The following ECT2L variants were observed in gnomAD, a reference collection of about 807,000 sequenced individuals.
The protein encoded by ECT2L is epithelial cell transforming 2 like, also known as epithelial cell-transforming sequence 2 oncogene-like.
In ECT2L, 126 loss-of-function variants were observed where a neutral mutation model predicts 122.8. The ratio of observed to expected loss-of-function variants is 1.03; its 90% CI spans 0.89 to 1.19. ECT2L has a LOEUF of 1.19. Among genes scored for constraint, ECT2L ranks in the 50% most tolerant of loss-of-function variants. The pLI is 0.00. For missense variants in ECT2L, 1,012 were observed against 1,064.1 expected, an observed-to-expected ratio of 0.95 and a Z score of 0.68; for synonymous variants, 385 against 381.8, an observed-to-expected ratio of 1.01 and a Z score of -0.10.
rs182703053 is a variant in ECT2L at position 138,865,149 on chromosome 6, T to C, written c.1445T>C (p.Leu482Pro). The change falls in exon 12 of 22, where the codon CTG (leucine) becomes CCG (proline). Residue 482 changes from leucine (L) to proline (P), a missense_variant. Leu to Pro is a moderately conservative substitution (Grantham distance 98). Transcript: ENST00000541398. ...RKQLYPFFKELQKSISGRMIG... is the reference protein window; with the variant it reads ...RKQLYPFFKEPQKSISGRMIG... ...CAGCTGTATCCTTTCTTCAAGGAAC[T>C]GCAGAAGAGCATCAGTGGCAGGATG... The C allele has an allele frequency of 7.1e-5, 114 of 1,612,958 alleles. 1 individual carries two copies. In the Admixed American group the frequency reaches 1.5e-3, roughly 21 times the overall value.
At chr6:138,883,214 C>A (rs1376656922) in intron 16 of ECT2L, among the ~76,000 whole-genome samples, 1 of 152,212 alleles carries the variant, frequency 6.6e-6, no homozygotes, top group Non-Finnish European at 1.5e-5. Context: ...GACAAGTTCA[C>A]TCTCTCATGT....
At chr6:138,882,996 T>C in intron 16 of ECT2L, 125 bp downstream of exon 16, 3 of 1,029,702 alleles carry the variant, frequency 2.9e-6, no homozygotes, top group Non-Finnish European at 4.2e-6. Flanking sequence ...TGTCTTCCCA[T>C]ACTGTGTGAT....
At chr6:138,852,288 C>T (rs945615289) in intron 9 of ECT2L, among the ~76,000 whole-genome samples, 3 of 151,930 alleles carry the variant, frequency 2.0e-5, no homozygotes, top group Non-Finnish European at 4.4e-5. Flanking sequence ...AAACCAAAAA[C>T]CCCCCAGCCC....
At chr6:138,900,044 A>AC (rs1779347129) in intron 20 of ECT2L, among the ~76,000 whole-genome samples, 1 of 152,350 alleles carries the variant, frequency 6.6e-6, no homozygotes, top group African/African-American at 2.4e-5. Flanking sequence ...CCTACAGTTG[A>AC]CCATGGTAGC....
At position 138,902,716 on chromosome 6, in the gene ECT2L, C is replaced by G; in HGVS notation, c.*89C>G. Reference sequence around the variant, plus strand: ...CTGTTCCAAAATATCCAGTAAGAAACAGAATAACTGTCATGGATGATGAGA... The same window carrying G: ...CTGTTCCAAAATATCCAGTAAGAAAGAGAATAACTGTCATGGATGATGAGA... On this transcript the variant is annotated 3_prime_UTR_variant, in exon 22 of 22. Transcript: ENST00000541398. 6.8e-7 allele frequency: 1 copy of G among 1,464,622 alleles called. No individual in the cohort carries two copies. The highest frequency in any genetic ancestry group is 9.4e-7 in the Non-Finnish European group (1 of 1,058,518). The allele number at this position is 1,464,622 out of a possible 1,614,324, so 90.7% of individuals were successfully genotyped here.
chr6:138,903,792 A>G lies in ECT2L; in HGVS notation c.*1165A>G, dbSNP rs974840922. 3.3e-5 allele frequency: 5 copies of G among 152,192 alleles called. No individual in the cohort carries two copies. Among genetic ancestry groups the G allele is most frequent in the African/African-American group, 7.2e-5 (3 of 41,452 alleles). 9.4% of individuals were successfully genotyped at this position (152,192 alleles called of 1,614,324 possible). On this transcript the variant is annotated 3_prime_UTR_variant, in exon 22 of 22. Transcript: ENST00000541398. The stretch of plus-strand genomic sequence containing the variant: ...GCCACTTGGAAACTTCAGCTGATGT[A>G]TATTTTTACCTAGATATTGTCAGGT...
Position 138,862,702 on chromosome 6 carries a change from C to A in ECT2L, c.1274C>A (p.Thr425Asn). Residue 425 changes from threonine to asparagine, a missense_variant, in exon 11 of 22, where the codon ACT becomes AAT. Physicochemically the swap from Thr to Asn is moderately conservative, Grantham distance 65 (BLOSUM62 0). Transcript: ENST00000541398. Reference protein sequence around the residue: ...TFFTAPTGIATGSYQHILSDW... With the variant: ...TFFTAPTGIANGSYQHILSDW... ...TTTACGGCCCCCACTGGGATTGCAA[C>A]TGGCTCTTACCAGCACAGTAAGTGT... 6.2e-7 allele frequency: 1 copy of A among 1,614,152 alleles called. No homozygotes were observed. Among genetic ancestry groups the A allele is most frequent in the Non-Finnish European group, 8.5e-7 (1 of 1,179,968 alleles).
At chr6:138,808,729 CTT>C (rs748228059) in intron 1 of ECT2L, among the ~76,000 whole-genome samples, 18 of 92,542 alleles carry the variant, frequency 1.9e-4, no homozygotes, top group Non-Finnish European at 2.8e-4. Flanking sequence ...TTTCTCTTTT[CTT>C]TTTTTTTTTT....
chr6:138,835,664 G>T (rs563569616), intron 4 of ECT2L, among the ~76,000 whole-genome samples: 31 of 152,006 alleles, frequency 2.0e-4, no homozygotes, highest in African/African-American at 7.0e-4. Context: ...ATTACCTTAA[G>T]TGTGTCAATG....
intron 13 of ECT2L, among the ~76,000 whole-genome samples, chr6:138,871,903 C>T (rs1466889462): frequency 1.3e-5 from 2 of 152,116 alleles, no homozygotes; most frequent in Non-Finnish European, 2.9e-5. Context: ...CTCCCCTCCC[C>T]GACAAAGTGC....
At chr6:138,839,863 C>A (rs1310924225) in intron 5 of ECT2L, among the ~76,000 whole-genome samples, 4 of 151,964 alleles carry the variant, frequency 2.6e-5, no homozygotes, top group Non-Finnish European at 5.9e-5. Flanking sequence ...CAACATATAG[C>A]CTTGAATTAA....
rs572999960 is a variant in ECT2L, at chr6:138,869,829, GACA to G, written c.1578+1628_1578+1630del. On this transcript the variant is annotated intron_variant, in intron 13 of 21. Coordinates refer to ENST00000541398, the MANE Select transcript of ECT2L (RefSeq NM_001077706.3). ...CCAGGCCTTCTTCCTCCCCCTGAAA[GACA>G]ACAAGATCCTTCCTGTCCCGTTTCC... is the stretch of plus-strand genomic sequence containing the variant. 2.6e-4 allele frequency among the ~76,000 whole-genome samples: 40 copies of G among 152,310 alleles called. No individual in the cohort carries two copies. The South Asian group carries it at 7.7e-3, about 29-fold the overall frequency.
intron 11 of ECT2L, among the ~76,000 whole-genome samples, chr6:138,863,717 G>A (rs891937666): frequency 3.3e-5 from 5 of 151,862 alleles, no homozygotes; most frequent in African/African-American, 1.2e-4. Context: ...CTGGGTTCAG[G>A]CGATTCTCCT....
intron 5 of ECT2L, among the ~76,000 whole-genome samples, chr6:138,839,846 T>C (rs1215260010): frequency 6.6e-6 from 1 of 152,222 alleles, no homozygotes; most frequent in East Asian, 1.9e-4. Flanking sequence ...ATGGTTACCA[T>C]AGACTACAAC....
In ECT2L at chr6:138,881,031, A is replaced by G. The variant is rs751551706; in HGVS notation, c.1740A>G (p.Lys580=). ...GAGAACTCTTACAGAGTGAGAGAAA[A>G]TACGTGCAGATACTGGAAATTGTGA... ...VVRELLQSER[K]YVQILEIVRD... is the part of the protein sequence containing the mutation. Residue 580 remains lysine, a synonymous_variant, in exon 15 of 22, where the codon AAA becomes AAG. Coordinates refer to ENST00000541398, the MANE Select transcript of ECT2L (RefSeq NM_001077706.3). 77 of 1,614,052 alleles carry G rather than the reference A, an allele frequency of 4.8e-5. No homozygotes were observed. Among genetic ancestry groups the G allele is most frequent in the Non-Finnish European group, 6.3e-5 (74 of 1,180,030 alleles).
At position 138,849,338 on chromosome 6, in the gene ECT2L, C is replaced by T; in HGVS notation, c.973C>T (p.Leu325Phe). The stretch of plus-strand genomic sequence containing the variant: ...TGAACACAGCGTAACCTTGGAAAGC[C>T]TTCTGTATCTTATAGAAAAAGCTCT... ...VYEHSVTLESLLYLIEKALDG... is the reference protein window; with the variant it reads ...VYEHSVTLESFLYLIEKALDG... The change falls in exon 9 of 22, where the codon CTT becomes TTT. Residue 325 changes from leucine to phenylalanine, a missense_variant. Coordinates refer to ENST00000541398, the MANE Select transcript of ECT2L (RefSeq NM_001077706.3). The T allele has an allele frequency of 2.5e-6, 4 of 1,614,044 alleles. No homozygotes were observed. The South Asian group carries it at 4.4e-5, about 18-fold the overall frequency.
At chr6:138,888,913 G>A (rs1778922953) in intron 19 of ECT2L, 30 bp from the exon 20 acceptor site, 1 of 1,228,096 alleles carries the variant, frequency 8.1e-7, no homozygotes, top group Non-Finnish European at 1.1e-6. Context: ...AAATTTATAT[G>A]TACTTCTAAT....
At chr6:138,853,217 C>T (rs907906740) in intron 9 of ECT2L, among the ~76,000 whole-genome samples, 5 of 152,150 alleles carry the variant, frequency 3.3e-5, no homozygotes, top group South Asian at 2.1e-4. Context: ...CCACCTGCCT[C>T]GGCCTCCCAA....
At chr6:138,881,790 A>G (rs1182353774) in intron 15 of ECT2L, among the ~76,000 whole-genome samples, 1 of 152,124 alleles carries the variant, frequency 6.6e-6, no homozygotes, top group Non-Finnish European at 1.5e-5. Flanking sequence ...GAGCTCAGGT[A>G]GTAATGCAAG....
Sources: gnomAD v4.1 joint callset for allele counts (sites outside exome capture counted in the v4.1 genomes callset) on GRCh38, gnomAD v4.1.1 for gene constraint, MANE v1.5 for transcripts, NCBI Gene and HGNC (gene_info 2026-07-23, HGNC 2026-07-21) for gene names.